Variants in ZNF469 observed in about 807,000 individuals in gnomAD.
The protein encoded by ZNF469 is zinc finger protein 469.
In ZNF469, 1 loss-of-function variant was observed where a neutral mutation model predicts 1.0. The ratio of observed to expected loss-of-function variants is 1.00; its 90% CI spans 0.35 to 4.73. The LOEUF (loss-of-function observed/expected upper bound fraction) is 4.73. Ranked by LOEUF, ZNF469 falls within the 30% of genes most tolerant of loss-of-function variation. The pLI is 0.16. For synonymous variants in ZNF469, 2,703 were observed against 2,363.4 expected (o/e 1.14, Z -4.17); for missense variants, 6,100 against 5,356.3 (o/e 1.14, Z -4.33).
At chr16:88,192,853 A>ATGG in the ZNF469 span, among the ~76,000 whole-genome samples, 1 of 112,660 alleles carries the variant, frequency 8.9e-6, no homozygotes, top group Non-Finnish European at 1.9e-5. Flanking sequence ...GATGATAATG[A>ATGG]TGGTGATGAC....
At chr16:88,390,185 G>A (rs1489030789) in intron 1 of ZNF469, among the ~76,000 whole-genome samples, 3 of 152,216 alleles carry the variant, frequency 2.0e-5, no homozygotes, top group Admixed American at 6.5e-5. Context: ...AGGGGCTCAC[G>A]GAGGTCAGGT....
chr16:88,330,165 CT>C, the ZNF469 span, among the ~76,000 whole-genome samples: 1 of 152,242 alleles, frequency 6.6e-6, no homozygotes, highest in Non-Finnish European at 1.5e-5. Flanking sequence ...GTCATCACCC[CT>C]AGGCAATGGG....
At chr16:88,113,272 T>C in the ZNF469 span, among the ~76,000 whole-genome samples, 3 of 152,334 alleles carry the variant, frequency 2.0e-5, no homozygotes, top group South Asian at 6.2e-4. Context: ...GCTTGATGTT[T>C]GTATGTGGCG....
At chr16:88,243,900 C>T in the ZNF469 span, among the ~76,000 whole-genome samples, 88 of 72,726 alleles carry the variant, frequency 1.2e-3, no homozygotes, top group African/African-American at 4.2e-3. Flanking sequence ...GAACTGATGG[C>T]TGGCTGGATG....
At chr16:88,401,058 C>A (rs1329807531) in intron 1 of ZNF469, among the ~76,000 whole-genome samples, 1 of 152,126 alleles carries the variant, frequency 6.6e-6, no homozygotes, top group Non-Finnish European at 1.5e-5. Context: ...CAGCCCCTCC[C>A]TGACCCTGGC....
chr16:88,366,170 C>G, the ZNF469 span, among the ~76,000 whole-genome samples: 1 of 140,252 alleles, frequency 7.1e-6, no homozygotes, highest in South Asian at 2.4e-4. Context: ...ACCATCATCA[C>G]CACGATCATC....
chr16:88,285,069 C>T, the ZNF469 span, among the ~76,000 whole-genome samples: 1 of 152,264 alleles, frequency 6.6e-6, no homozygotes, highest in African/African-American at 2.4e-5. Flanking sequence ...GGCGCATTGC[C>T]CATGCCTGGC....
the ZNF469 span, among the ~76,000 whole-genome samples, chr16:88,285,326 C>T: frequency 3.3e-5 from 5 of 152,392 alleles, no homozygotes; most frequent in African/African-American, 9.6e-5. Flanking sequence ...GAGCAGGGCC[C>T]ACTGCTGAGC....
chr16:88,353,514 A>G, the ZNF469 span, among the ~76,000 whole-genome samples: 21 of 152,232 alleles, frequency 1.4e-4, no homozygotes, highest in Middle Eastern at 3.4e-3. Context: ...GCCTTTGCGC[A>G]CAACGCCCTC....
chr16:88,246,732 G>A, the ZNF469 span, among the ~76,000 whole-genome samples: 3 of 152,376 alleles, frequency 2.0e-5, no homozygotes, highest in African/African-American at 7.2e-5. Flanking sequence ...CAAAGGTAAA[G>A]AGGTGACTGT....
At chr16:88,407,186 G>C (rs1420458658) in intron 1 of ZNF469, among the ~76,000 whole-genome samples, 2 of 152,210 alleles carry the variant, frequency 1.3e-5, no homozygotes, top group Non-Finnish European at 2.9e-5. Flanking sequence ...GCGGCTCAGA[G>C]CTCCCAAAGG....
At chr16:88,347,424 A>T in the ZNF469 span, among the ~76,000 whole-genome samples, 1 of 152,078 alleles carries the variant, frequency 6.6e-6, no homozygotes, top group Non-Finnish European at 1.5e-5. Context: ...ACACCCAGAG[A>T]GACGGTCACA....
chr16:88,178,573 G>A, the ZNF469 span: 1 of 152,198 alleles, frequency 6.6e-6, no homozygotes, highest in Non-Finnish European at 1.5e-5. Context: ...AGTGGGAGAT[G>A]ACTTTTTCTC....
the ZNF469 span, among the ~76,000 whole-genome samples, chr16:88,135,417 G>T: frequency 4.6e-5 from 7 of 152,246 alleles, no homozygotes; most frequent in Non-Finnish European, 7.3e-5. Flanking sequence ...AGATGGGGCT[G>T]ACTCCAGATG....
chr16:88,398,186 A>G (rs1428742173), intron 1 of ZNF469, among the ~76,000 whole-genome samples: 2 of 152,254 alleles, frequency 1.3e-5, no homozygotes, highest in African/African-American at 2.4e-5. Context: ...TTAGAGTGGC[A>G]GGTGGGGCTG....
At position 88,437,065 on chromosome 16, in the gene ZNF469, G is replaced by A. The variant is rs1906636888; in HGVS notation, c.9595G>A (p.Val3199Ile). ...CAACGAGCACCTGCGTGAGCACGCG[G>A]TCCGCTTCGCCCGCAGGGGGCAGGC... is the stretch of plus-strand genomic sequence containing the variant. ...MYNEHLREHA[V>I]RFARRGQARR... is the part of the protein sequence containing the mutation. The change falls in exon 3 of 3, where the codon GTC becomes ATC. Residue 3199 changes from valine to isoleucine, a missense_variant. Physicochemically the swap from Val to Ile is conservative, Grantham distance 29. Coordinates refer to ENST00000565624, the MANE Select transcript of ZNF469 (RefSeq NM_001367624.2). 1 of 1,540,072 alleles carries A rather than the reference G, an allele frequency of 6.5e-7. No homozygotes were observed. The highest frequency in any genetic ancestry group is 8.7e-7 in the Non-Finnish European group (1 of 1,144,336).
At chr16:88,146,438 C>T in the ZNF469 span, among the ~76,000 whole-genome samples, 1 of 152,248 alleles carries the variant, frequency 6.6e-6, no homozygotes, top group African/African-American at 2.4e-5. Flanking sequence ...AACCTTCTTC[C>T]CTGTGGACCC....
chr16:88,193,955 A>G, the ZNF469 span, among the ~76,000 whole-genome samples: 2 of 152,160 alleles, frequency 1.3e-5, no homozygotes, highest in African/African-American at 4.8e-5. Flanking sequence ...CACCTCTCGA[A>G]GGCCCCACTT....
chr16:88,283,806 CG>C, the ZNF469 span, among the ~76,000 whole-genome samples: 1 of 146,916 alleles, frequency 6.8e-6, no homozygotes, highest in African/African-American at 2.5e-5. Context: ...CCAGTGTGCC[CG>C]AGGTCTGTGA....
Sources: allele counts gnomAD v4.1 joint callset (sites outside exome capture counted in the v4.1 genomes callset), GRCh38; gene constraint gnomAD v4.1.1; transcripts MANE v1.5; gene names NCBI Gene and HGNC (gene_info 2026-07-23, HGNC 2026-07-21).